KALRN: variants seen among roughly 807,000 people sequenced by gnomAD.
KALRN encodes the protein kalirin.
Under a neutral mutation model 353.7 loss-of-function variants are expected in KALRN, and 70 were observed. The ratio of observed to expected loss-of-function variants is 0.20; its 90% CI spans 0.16 to 0.24. KALRN has a LOEUF of 0.24. KALRN is among the 10% of genes least tolerant of loss of function. The probability of loss-of-function intolerance (pLI) is 1.00; values close to 1 mark genes in which losing one functional copy is unlikely to be tolerated. For synonymous variants in KALRN, 1,391 were observed against 1,434.8 expected (o/e 0.97, Z 0.69); for missense variants, 2,791 against 3,756.7 (o/e 0.74, Z 6.72).
intron 1 of KALRN, chr3:124,080,099 G>C (rs1318097509): frequency 6.4e-6 from 3 of 470,998 alleles, no homozygotes; most frequent in South Asian, 1.6e-5. Flanking sequence ...TCAGGTTAGT[G>C]AACTCTAGTA....
At chr3:124,370,110 A>G (rs1246404323) in intron 10 of KALRN, among the ~76,000 whole-genome samples, 3 of 152,212 alleles carry the variant, frequency 2.0e-5, no homozygotes, top group Admixed American at 6.5e-5. Flanking sequence ...CAAGTTCAAG[A>G]CACCTTTGTA....
intron 57 of KALRN, among the ~76,000 whole-genome samples, chr3:124,704,923 T>C (rs1383606453): frequency 6.6e-6 from 1 of 152,220 alleles, no homozygotes; most frequent in African/African-American, 2.4e-5. Context: ...GTCAATCGAC[T>C]TGCTTCATCA....
intron 10 of KALRN, chr3:124,384,434 G>C (rs917258926): frequency 1.3e-5 from 2 of 156,210 alleles, no homozygotes; most frequent in African/African-American, 2.4e-5. Flanking sequence ...CTCCCACTTA[G>C]TGTTTTTCTG....
intron 33 of KALRN, among the ~76,000 whole-genome samples, chr3:124,542,834 G>T (rs2069182571): frequency 6.6e-6 from 1 of 152,194 alleles, no homozygotes; most frequent in African/African-American, 2.4e-5. Flanking sequence ...TCAAAACTTA[G>T]AGACTTAAAA....
intron 6 of KALRN, among the ~76,000 whole-genome samples, chr3:124,312,021 T>C (rs1344384248): frequency 1.3e-5 from 2 of 152,240 alleles, no homozygotes; most frequent in Non-Finnish European, 2.9e-5. Flanking sequence ...GAGAGTTATA[T>C]CTAATAGGTA....
chr3:124,094,854 G>T, intron 1 of KALRN: 1 of 1,614,108 alleles, frequency 6.2e-7, no homozygotes, highest in Non-Finnish European at 8.5e-7. Context: ...GACCGCTTCT[G>T]GGACCAGTGG....
At chr3:124,654,213 C>T (rs548190209) in intron 38 of KALRN, among the ~76,000 whole-genome samples, 6 of 152,298 alleles carry the variant, frequency 3.9e-5, no homozygotes, top group Non-Finnish European at 2.9e-5. Context: ...TTTGGCCTTG[C>T]CAGTTCCTTC....
At chr3:124,541,311 A>G (rs983866573) in intron 33 of KALRN, among the ~76,000 whole-genome samples, 2 of 151,874 alleles carry the variant, frequency 1.3e-5, no homozygotes, top group African/African-American at 4.8e-5. Flanking sequence ...TCAGCTAGGC[A>G]TGATGGCACA....
chr3:124,375,242 C>G lies in KALRN; in HGVS notation c.1771-9603C>G, dbSNP rs73858434. Among the ~76,000 whole-genome samples the G allele has an allele frequency of 3.5e-3, 529 of 152,270 alleles. 6 individuals carry two copies. Among genetic ancestry groups the G allele is most frequent in the African/African-American group, 0.012 (505 of 41,530 alleles). On this transcript the variant is annotated intron_variant, in intron 10 of 59. Coordinates refer to ENST00000682506, the MANE Select transcript of KALRN (RefSeq NM_001388419.1). Reference sequence around the variant, plus strand: ...CCTGCTCAGTGGGAAAAGGAGGAAGCCTTCCTCCAGTCTTCAGAGCTCCGT... The same window carrying G: ...CCTGCTCAGTGGGAAAAGGAGGAAGGCTTCCTCCAGTCTTCAGAGCTCCGT...
At chr3:124,331,850 A>G (rs1011379645) in intron 8 of KALRN, among the ~76,000 whole-genome samples, 3 of 152,180 alleles carry the variant, frequency 2.0e-5, no homozygotes, top group African/African-American at 7.2e-5. Flanking sequence ...TTCAGAGGCC[A>G]GTGAGCTGTC....
At chr3:124,053,683 T>G (rs1427323659) in intron 1 of KALRN, among the ~76,000 whole-genome samples, 1 of 152,228 alleles carries the variant, frequency 6.6e-6, no homozygotes, top group Non-Finnish European at 1.5e-5. Flanking sequence ...TTCCCACAAG[T>G]GGGGCAAGTC....
chr3:124,250,679 C>T (rs143024748), intron 3 of KALRN, among the ~76,000 whole-genome samples: 51 of 151,988 alleles, frequency 3.4e-4, no homozygotes, highest in South Asian at 2.3e-3. Context: ...GAGTGGGGAG[C>T]GGGAAAGAAG....
chr3:124,254,133 C>T (rs1026409122), intron 3 of KALRN, among the ~76,000 whole-genome samples: 1 of 152,166 alleles, frequency 6.6e-6, no homozygotes, highest in African/African-American at 2.4e-5. Flanking sequence ...TTAGTACTCA[C>T]ACAGGATACC....
At position 124,347,320 on chromosome 3, in the gene KALRN, G is replaced by GTGTGTA. The variant is rs1361569918; in HGVS notation, c.1770+56_1770+57insGTGTAT. 3.6e-5 allele frequency: 55 copies of GTGTGTA among 1,515,464 alleles called. 2 individuals carry two copies. In the East Asian group the frequency reaches 1.3e-3, roughly 36 times the overall value. 93.9% of individuals were successfully genotyped at this position (1,515,464 alleles called of 1,614,324 possible). ...TGTGTGTGTGTGTGTGTGTGTGTGT[G>GTGTGTA]TCTAGATGAGGGAGGCATGATGACT... On this transcript the variant is annotated intron_variant, in intron 10 of 59. Coordinates refer to ENST00000682506, the MANE Select transcript of KALRN (RefSeq NM_001388419.1).
At chr3:124,158,793 G>A (rs1388840839) in intron 1 of KALRN, among the ~76,000 whole-genome samples, 1 of 152,156 alleles carries the variant, frequency 6.6e-6, no homozygotes, top group Middle Eastern at 3.2e-3. Flanking sequence ...ACTGACAGTG[G>A]AGAAATAAAG....
intron 34 of KALRN, among the ~76,000 whole-genome samples, chr3:124,620,921 C>A (rs1283032589): frequency 6.6e-6 from 1 of 152,192 alleles, no homozygotes; most frequent in Non-Finnish European, 1.5e-5. Flanking sequence ...CTAACAGGAG[C>A]CAAAGCGTGG....
chr3:124,669,434 G>C (rs1039984628), intron 47 of KALRN, among the ~76,000 whole-genome samples: 1 of 152,138 alleles, frequency 6.6e-6, no homozygotes, highest in Non-Finnish European at 1.5e-5. Context: ...AAGAATACAG[G>C]CTGTCCATTT....
chr3:124,152,601 T>G (rs1468898707), intron 1 of KALRN: 1 of 612,390 alleles, frequency 1.6e-6, no homozygotes, highest in South Asian at 2.0e-5. Context: ...TTCTTTTTTT[T>G]TTTTTTTTTT....
chr3:124,498,063 G>C (rs959658675), intron 33 of KALRN, among the ~76,000 whole-genome samples: 2 of 152,210 alleles, frequency 1.3e-5, no homozygotes, highest in African/African-American at 4.8e-5. Flanking sequence ...CAGGCTCAGA[G>C]AAACTAAGTG....
Sources: allele counts gnomAD v4.1 joint callset (sites outside exome capture counted in the v4.1 genomes callset), GRCh38; gene constraint gnomAD v4.1.1; transcripts MANE v1.5; gene names NCBI Gene and HGNC (gene_info 2026-07-23, HGNC 2026-07-21).